The following MID1 variants were observed in gnomAD, a reference collection of about 807,000 sequenced individuals.
MID1 encodes the protein midline 1.
MID1 carries 7 observed loss-of-function variants against 40.4 expected under a neutral mutation model. The observed-to-expected ratio is 0.17, with a 90% CI of 0.10 to 0.33. The LOEUF (loss-of-function observed/expected upper bound fraction) is 0.33, where lower values mean the gene tolerates loss of function less well. Among genes scored for constraint, MID1 ranks in the 10% least tolerant of loss-of-function variants. The pLI, the probability that MID1 is intolerant of heterozygous loss-of-function variation, is 1.00. For missense variants in MID1, 367 were observed against 558.5 expected, an observed-to-expected ratio of 0.66 and a Z score of 3.46; for synonymous variants, 229 against 221.2, an observed-to-expected ratio of 1.04 and a Z score of -0.31.
chrX:10,476,390 C>T (rs1048544512), intron 5 of MID1, among the ~76,000 whole-genome samples: 1 of 110,641 alleles, frequency 9.0e-6, no homozygotes, highest in Non-Finnish European at 1.9e-5. Context: ...TGGTCTTGAA[C>T]TCCTGGGCCC....
intron 1 of MID1, among the ~76,000 whole-genome samples, chrX:10,822,142 C>G (rs1414748446): frequency 9.0e-6 from 1 of 111,266 alleles, no homozygotes; most frequent in East Asian, 2.8e-4. Flanking sequence ...CAAAAACAGA[C>G]ACATAGAGCA....
intron 1 of MID1, among the ~76,000 whole-genome samples, chrX:10,710,123 G>A (rs764111672): frequency 2.3e-4 from 26 of 111,735 alleles, no homozygotes; most frequent in Non-Finnish European, 3.9e-4. Flanking sequence ...TATTACAGGT[G>A]TGGGAACTTG....
chrX:10,779,135 A>G (rs1014498602), intron 1 of MID1, among the ~76,000 whole-genome samples: 1 of 112,580 alleles, frequency 8.9e-6, no homozygotes, highest in Non-Finnish European at 1.9e-5. Context: ...TAATTTCACA[A>G]AGGAAAATGG....
At chrX:10,537,328 T>C (rs762894206) in intron 2 of MID1, among the ~76,000 whole-genome samples, 1 of 112,168 alleles carries the variant, frequency 8.9e-6, no homozygotes, top group Admixed American at 9.5e-5. Context: ...AAATTCAAAA[T>C]TCAGCTTGAC....
intron 1 of MID1, among the ~76,000 whole-genome samples, chrX:10,578,439 T>C (rs1159165974): frequency 8.9e-6 from 1 of 111,865 alleles, no homozygotes; most frequent in East Asian, 2.8e-4. Flanking sequence ...AGGAAAGAAA[T>C]ATTTACTCCA....
chrX:10,478,789 G>A (rs990099512), intron 5 of MID1, among the ~76,000 whole-genome samples: 2 of 112,045 alleles, frequency 1.8e-5, no homozygotes, highest in South Asian at 7.4e-4. Context: ...ACTTTAAGTC[G>A]CTTAACGATG....
At chrX:10,536,156 T>A (rs1933244762) in intron 2 of MID1, among the ~76,000 whole-genome samples, 1 of 111,082 alleles carries the variant, frequency 9.0e-6, no homozygotes, top group Non-Finnish European at 1.9e-5. Flanking sequence ...GTTCAGGAGG[T>A]CGAGGCTGCA....
At chrX:10,583,274 TG>T (rs1395649354) in intron 1 of MID1, among the ~76,000 whole-genome samples, 3 of 112,003 alleles carry the variant, frequency 2.7e-5, no homozygotes, top group African/African-American at 9.7e-5. Context: ...ATACATAAAA[TG>T]AAAGAAATAA....
intron 1 of MID1, among the ~76,000 whole-genome samples, chrX:10,706,963 G>C (rs1213848773): frequency 9.0e-6 from 1 of 111,490 alleles, no homozygotes. Context: ...CTCATAATTG[G>C]GTCTAACTAT....
At chrX:10,673,713 G>T (rs2043003915) in intron 1 of MID1, among the ~76,000 whole-genome samples, 1 of 110,625 alleles carries the variant, frequency 9.0e-6, no homozygotes, top group Non-Finnish European at 1.9e-5. Context: ...ATAGAAGTGT[G>T]CTAAAAAGTG....
At chrX:10,779,716 G>A (rs1316922083) in intron 1 of MID1, among the ~76,000 whole-genome samples, 4 of 111,214 alleles carry the variant, frequency 3.6e-5, no homozygotes, top group Non-Finnish European at 7.5e-5. Context: ...GACAATGATA[G>A]TCCATAATTT....
intron 1 of MID1, among the ~76,000 whole-genome samples, chrX:10,782,102 C>T (rs1204889622): frequency 8.9e-6 from 1 of 112,312 alleles, no homozygotes; most frequent in African/African-American, 3.2e-5. Flanking sequence ...TTTGCATCTG[C>T]ATCTCAGCGT....
At chrX:10,721,199 A>T (rs1036659910) in intron 1 of MID1, among the ~76,000 whole-genome samples, 2 of 110,671 alleles carry the variant, frequency 1.8e-5, no homozygotes, top group Non-Finnish European at 3.8e-5. Flanking sequence ...AAAGTATAAT[A>T]AAAAAAAGAA....
intron 8 of MID1, among the ~76,000 whole-genome samples, chrX:10,459,205 T>A (rs1310300372): frequency 9.0e-6 from 1 of 111,166 alleles, no homozygotes; most frequent in Non-Finnish European, 1.9e-5. Context: ...GGAAGAAGTG[T>A]CCCTGATTGA....
intron 2 of MID1, among the ~76,000 whole-genome samples, chrX:10,557,303 C>T (rs1266017603): frequency 2.7e-5 from 3 of 112,142 alleles, no homozygotes; most frequent in African/African-American, 9.7e-5. Flanking sequence ...CATCATCCTA[C>T]ACCCATGATG....
At chrX:10,642,631 A>G (rs1405892926) in intron 1 of MID1, among the ~76,000 whole-genome samples, 2 of 110,599 alleles carry the variant, frequency 1.8e-5, no homozygotes, top group Non-Finnish European at 3.8e-5. Context: ...TCAAGCTATC[A>G]ATGACTTTCT....
chrX:10,457,578 A>G (rs1173059253), intron 8 of MID1, among the ~76,000 whole-genome samples: 2 of 112,189 alleles, frequency 1.8e-5, no homozygotes, highest in Non-Finnish European at 3.8e-5. Context: ...CCCAGCAGCC[A>G]GTCTTCCTTC....
chrX:10,641,203 A>T (rs1181716017), intron 1 of MID1, among the ~76,000 whole-genome samples: 2 of 111,961 alleles, frequency 1.8e-5, no homozygotes, highest in Admixed American at 9.5e-5. Context: ...ACACAAAAAA[A>T]CTCTTCAAAA....
At chrX:10,579,703 C>T (rs1181985824) in intron 1 of MID1, among the ~76,000 whole-genome samples, 3 of 111,449 alleles carry the variant, frequency 2.7e-5, no homozygotes, top group Admixed American at 1.9e-4. Flanking sequence ...GAAAACGAAC[C>T]CTTATTCACA....
Sources: allele counts gnomAD v4.1 joint callset (sites outside exome capture counted in the v4.1 genomes callset), GRCh38; gene constraint gnomAD v4.1.1; transcripts MANE v1.5; gene names NCBI Gene and HGNC (gene_info 2026-07-23, HGNC 2026-07-21).